ZFHX3: variants seen among roughly 807,000 people sequenced by gnomAD.
The protein encoded by ZFHX3 is zinc finger homeobox protein 3.
In ZFHX3, 42 loss-of-function variants were observed where a neutral mutation model predicts 279.1. That is an observed-to-expected ratio of 0.15 (90% CI 0.12 to 0.19). The LOEUF is 0.19. Ranked by LOEUF, ZFHX3 falls within the 10% of genes least tolerant of loss-of-function variation. The probability of loss-of-function intolerance (pLI) is 1.00; values close to 1 mark genes in which losing one functional copy is unlikely to be tolerated. For missense variants in ZFHX3, 4,981 were observed against 4,754.0 expected, an observed-to-expected ratio of 1.05 and a Z score of -1.40; for synonymous variants, 2,293 against 1,957.8, an observed-to-expected ratio of 1.17 and a Z score of -4.52.
rs558254393 is a variant in ZFHX3, at chr16:73,567,715, G to A, written c.-1546-111457C>T. 1.2e-4 allele frequency among the ~76,000 whole-genome samples: 18 copies of A among 152,196 alleles called. No individual in the cohort carries two copies. The East Asian group carries it at 1.9e-3, about 16-fold the overall frequency. On this transcript the variant is annotated intron_variant, in intron 2 of 17. Transcript: ENST00000641206. The stretch of plus-strand genomic sequence containing the variant: ...TCATTCCGAGTCTGGATTTGCCTGC[G>A]TCCCTTGTAGCTTAAGAGCCCTTTT...
chr16:73,277,642 A>G (rs561033553), intron 4 of ZFHX3, among the ~76,000 whole-genome samples: 141 of 152,286 alleles, frequency 9.3e-4, no homozygotes, highest in African/African-American at 3.3e-3. Flanking sequence ...TCATCGCTGA[A>G]TATTTTCTGA....
chr16:73,326,237 C>T (rs1040916290), intron 3 of ZFHX3, among the ~76,000 whole-genome samples: 4 of 152,120 alleles, frequency 2.6e-5, no homozygotes, highest in African/African-American at 4.8e-5. Flanking sequence ...TCATATGCAA[C>T]GGCCATTTAA....
rs2039269771 is a variant in ZFHX3, at chr16:72,909,652, G to C, written c.3217-19690C>G. Among the ~76,000 whole-genome samples the C allele has an allele frequency of 5.9e-5, 9 of 152,204 alleles. No individual in the cohort carries two copies. In the South Asian group the frequency reaches 1.9e-3, roughly 32 times the overall value. On this transcript the variant is annotated intron_variant, in intron 3 of 9. Transcript: ENST00000268489. ...AGCACTTTGGGAGGCTGAGGTGGGA[G>C]GATCGCTTGAGCTCAGGAGTTCGAG...
chr16:73,769,515 G>A (rs763737737), intron 1 of ZFHX3, among the ~76,000 whole-genome samples: 4 of 152,036 alleles, frequency 2.6e-5, no homozygotes, highest in Non-Finnish European at 5.9e-5. Flanking sequence ...ATTTTAATAG[G>A]AATGAGCATC....
chr16:73,725,171 G>C (rs1012470954), intron 1 of ZFHX3, among the ~76,000 whole-genome samples: 1 of 151,994 alleles, frequency 6.6e-6, no homozygotes, highest in South Asian at 2.1e-4. Flanking sequence ...CAATACATAG[G>C]GTCTAATAAA....
intron 5 of ZFHX3, among the ~76,000 whole-genome samples, chr16:72,820,483 C>G (rs1024965330): frequency 2.0e-5 from 3 of 152,226 alleles, no homozygotes; most frequent in African/African-American, 7.2e-5. Flanking sequence ...AGCTGTTGGT[C>G]TGTTTAATAA....
chr16:73,076,520 T>C (rs551053635), intron 8 of ZFHX3, among the ~76,000 whole-genome samples: 57 of 152,310 alleles, frequency 3.7e-4, no homozygotes, highest in African/African-American at 1.2e-3. Flanking sequence ...GATGTCACAG[T>C]TATTAAGGTG....
chr16:72,913,527 G>A (rs556507100), intron 3 of ZFHX3, among the ~76,000 whole-genome samples: 65 of 152,152 alleles, frequency 4.3e-4, no homozygotes, highest in Non-Finnish European at 5.9e-4. Flanking sequence ...CACATCAGGG[G>A]CTATGTGACA....
chr16:72,984,801 C>G (rs1488140942), intron 1 of ZFHX3, among the ~76,000 whole-genome samples: 1 of 152,010 alleles, frequency 6.6e-6, no homozygotes, highest in East Asian at 1.9e-4. Context: ...CTATCGTGTG[C>G]AAGCTCACCC....
intron 3 of ZFHX3, among the ~76,000 whole-genome samples, chr16:73,382,430 A>G (rs537074541): frequency 3.3e-5 from 5 of 152,324 alleles, no homozygotes; most frequent in Non-Finnish European, 5.9e-5. Flanking sequence ...AAACAACCCA[A>G]CAGAAAAATG....
At chr16:73,147,570 T>C (rs1483172467) in intron 5 of ZFHX3, among the ~76,000 whole-genome samples, 1 of 150,706 alleles carries the variant, frequency 6.6e-6, no homozygotes, top group East Asian at 1.9e-4. Flanking sequence ...CGGGCGCCTG[T>C]AGTCCCAGCT....
At chr16:73,202,304 A>AGT (rs2011632757) in intron 5 of ZFHX3, among the ~76,000 whole-genome samples, 1 of 152,208 alleles carries the variant, frequency 6.6e-6, no homozygotes, top group Non-Finnish European at 1.5e-5. Context: ...CCCATCTCTT[A>AGT]GTTATTTCCT....
rs953353649 is a variant in ZFHX3 at position 72,913,521 on chromosome 16, T to C, written c.3217-23559A>G. The stretch of plus-strand genomic sequence containing the variant: ...GACCCTTCCCATCCACCGTATCACA[T>C]CAGGGGCTATGTGACATCAACATGA... On this transcript the variant is annotated intron_variant, in intron 3 of 9. Transcript: ENST00000268489. Among the ~76,000 whole-genome samples the C allele has an allele frequency of 2.6e-5, 4 of 152,188 alleles. No homozygotes were observed. The South Asian group carries it at 8.3e-4, about 32-fold the overall frequency.
At chr16:72,907,656 A>C (rs1468361546) in intron 3 of ZFHX3, among the ~76,000 whole-genome samples, 1 of 143,288 alleles carries the variant, frequency 7.0e-6, no homozygotes, top group African/African-American at 2.6e-5. Context: ...CCTGTGTACA[A>C]GTCCATGCTA....
intron 1 of ZFHX3, among the ~76,000 whole-genome samples, chr16:73,864,415 C>T (rs1341329585): frequency 6.6e-6 from 1 of 152,122 alleles, no homozygotes; most frequent in African/African-American, 2.4e-5. Flanking sequence ...TCACAAAATA[C>T]TTGGGGAAAA....
At chr16:73,712,417 CTG>C (rs2053372186) in intron 1 of ZFHX3, among the ~76,000 whole-genome samples, 1 of 152,192 alleles carries the variant, frequency 6.6e-6, no homozygotes, top group South Asian at 2.1e-4. Context: ...TCTGAAATCT[CTG>C]ACCCTTCCCC....
chr16:73,205,745 C>T (rs1442747352), intron 5 of ZFHX3, among the ~76,000 whole-genome samples: 1 of 152,128 alleles, frequency 6.6e-6, no homozygotes, highest in Non-Finnish European at 1.5e-5. Flanking sequence ...GGACAGCAGT[C>T]CTTAGCGCTC....
intron 5 of ZFHX3, among the ~76,000 whole-genome samples, chr16:73,191,315 G>A (rs1349990841): frequency 6.6e-6 from 1 of 152,144 alleles, no homozygotes; most frequent in Non-Finnish European, 1.5e-5. Flanking sequence ...GGCCGCCCCA[G>A]CACAGGTCTG....
chr16:73,494,678 G>C (rs929160484), intron 2 of ZFHX3, among the ~76,000 whole-genome samples: 1 of 151,822 alleles, frequency 6.6e-6, no homozygotes, highest in African/African-American at 2.4e-5. Context: ...TCCTGCCTCA[G>C]CCTCCAGAGT....
Sources: allele counts gnomAD v4.1 joint callset (sites outside exome capture counted in the v4.1 genomes callset), GRCh38; gene constraint gnomAD v4.1.1; transcripts MANE v1.5; gene names NCBI Gene and HGNC (gene_info 2026-07-23, HGNC 2026-07-21).